The following TAOK3 variants were observed in gnomAD, a reference collection of about 807,000 sequenced individuals.
TAOK3 encodes the protein TAO kinase 3, also known as serine/threonine-protein kinase TAO3.
Under a neutral mutation model 120.4 loss-of-function variants are expected in TAOK3, and 40 were observed. The ratio of observed to expected loss-of-function variants is 0.33; its 90% confidence interval spans 0.26 to 0.43. The LOEUF (loss-of-function observed/expected upper bound fraction) is 0.43. TAOK3 is among the 20% of genes least tolerant of loss of function. The pLI, the probability that TAOK3 is intolerant of heterozygous loss-of-function variation, is 1.00. For synonymous variants in TAOK3, 355 were observed against 387.5 expected (o/e 0.92, Z 0.99); for missense variants, 821 against 1,112.1 (o/e 0.74, Z 3.72).
At chr12:118,292,003 C>T (rs567223236) in intron 1 of TAOK3, among the ~76,000 whole-genome samples, 21 of 152,018 alleles carry the variant, frequency 1.4e-4, no homozygotes, top group South Asian at 4.2e-4. Flanking sequence ...TTAGTGAAGA[C>T]GGGGTTTCAC....
intron 1 of TAOK3, among the ~76,000 whole-genome samples, chr12:118,270,086 T>C (rs1258475781): frequency 6.6e-6 from 1 of 152,240 alleles, no homozygotes; most frequent in African/African-American, 2.4e-5. Context: ...GCCCATTTAA[T>C]GATTTTAAGT....
At chr12:118,337,903 G>C (rs2141087162) in intron 1 of TAOK3, among the ~76,000 whole-genome samples, 1 of 152,220 alleles carries the variant, frequency 6.6e-6, no homozygotes, top group African/African-American at 2.4e-5. Context: ...GTAAAACTGA[G>C]GAAATCTGAA....
intron 1 of TAOK3, among the ~76,000 whole-genome samples, chr12:118,308,962 C>CTGTA (rs1345100105): frequency 1.4e-5 from 2 of 139,204 alleles, no homozygotes; most frequent in Non-Finnish European, 3.1e-5. Flanking sequence ...AAAAAAAAGC[C>CTGTA]TGTATGGTTG....
intron 1 of TAOK3, among the ~76,000 whole-genome samples, chr12:118,273,307 C>T (rs999600609): frequency 6.6e-6 from 1 of 151,344 alleles, no homozygotes; most frequent in African/African-American, 2.4e-5. Context: ...TCCAGACCAT[C>T]CTCGCTAACA....
intron 7 of TAOK3, chr12:118,236,828 TA>T (rs760092734): frequency 1.3e-5 from 2 of 152,170 alleles, no homozygotes; most frequent in African/African-American, 2.4e-5. Context: ...ACTTTTAAAT[TA>T]AAAAAACATT....
intron 1 of TAOK3, among the ~76,000 whole-genome samples, chr12:118,326,584 G>T (rs979253958): frequency 5.3e-5 from 8 of 152,046 alleles, no homozygotes; most frequent in African/African-American, 1.9e-4. Flanking sequence ...GCATTGTCAG[G>T]CACTTAGGAT....
At position 118,168,957 on chromosome 12, in the gene TAOK3, T is replaced by TTTCCTTCCTTCCTTCCTTCCTTCC. The variant is rs150570843; in HGVS notation, c.1899+3476_1899+3499dup. Among the ~76,000 whole-genome samples the TTTCCTTCCTTCCTTCCTTCCTTCC allele has an allele frequency of 1.2e-3, 184 of 147,778 alleles. 1 individual carries two copies. Among genetic ancestry groups the TTTCCTTCCTTCCTTCCTTCCTTCC allele is most frequent in the African/African-American group, 3.8e-3 (153 of 39,770 alleles). On this transcript the variant is annotated intron_variant, in intron 17 of 20. Transcript: ENST00000392533. ...TGCAGTACTGAATCAGCTTGCTTGC[T>TTTCCTTCCTTCCTTCCTTCCTTCC]TTCCTTCCTTCCTTCCTTCCTTCCT...
chr12:118,292,825 T>C lies in TAOK3; in HGVS notation c.-193-26066A>G, dbSNP rs533043811. Reference sequence around the variant, plus strand: ...GTCATCATTGGGAATTTCTGTTCAATGAAGAGGAGTGTACCAATTCAAGAC... The same window carrying C: ...GTCATCATTGGGAATTTCTGTTCAACGAAGAGGAGTGTACCAATTCAAGAC... On this transcript the variant is annotated intron_variant, in intron 1 of 20. Transcript: ENST00000392533. Among the ~76,000 whole-genome samples, 3 of 152,352 alleles carry C rather than the reference T, an allele frequency of 2.0e-5. No individual in the cohort carries two copies. In the South Asian group the frequency reaches 6.2e-4, roughly 32 times the overall value.
intron 1 of TAOK3, among the ~76,000 whole-genome samples, chr12:118,365,086 CAT>C (rs1205079565): frequency 1.2e-4 from 19 of 152,344 alleles, no homozygotes; most frequent in Middle Eastern, 3.4e-3. Context: ...AGGCAGCAGA[CAT>C]AGTAAAGGGG....
intron 1 of TAOK3, among the ~76,000 whole-genome samples, chr12:118,315,980 T>G (rs187972162): frequency 1.3e-5 from 2 of 152,164 alleles, no homozygotes; most frequent in African/African-American, 4.8e-5. Context: ...TGCTGGGATA[T>G]TTTTACAATG....
chr12:118,221,513 C>T (rs2039229517), intron 9 of TAOK3, among the ~76,000 whole-genome samples: 1 of 152,156 alleles, frequency 6.6e-6, no homozygotes. Flanking sequence ...GGATTATAGG[C>T]ATGAGCCACC....
intron 1 of TAOK3, among the ~76,000 whole-genome samples, chr12:118,312,588 T>C (rs796707961): frequency 5.9e-5 from 9 of 152,304 alleles, no homozygotes; most frequent in African/African-American, 2.2e-4. Context: ...AACCTACAAA[T>C]GTTTTATAAT....
At chr12:118,300,936 C>T (rs1043002123) in intron 1 of TAOK3, among the ~76,000 whole-genome samples, 32 of 151,978 alleles carry the variant, frequency 2.1e-4, no homozygotes, top group East Asian at 1.9e-4. Context: ...CCACCACGCC[C>T]GGCTAATTTT....
intron 10 of TAOK3, 121 bp downstream of exon 10, chr12:118,213,896 A>G (rs2038750304): frequency 1.2e-6 from 1 of 831,962 alleles, no homozygotes; most frequent in Non-Finnish European, 1.9e-6. Flanking sequence ...TGTCACTTGT[A>G]ACAACATACA....
At chr12:118,183,625 G>A (rs1349078078) in intron 14 of TAOK3, among the ~76,000 whole-genome samples, 1 of 151,898 alleles carries the variant, frequency 6.6e-6, no homozygotes, top group African/African-American at 2.4e-5. Flanking sequence ...ACTTCTTCAC[G>A]CTTATATGTT....
Position 118,189,835 on chromosome 12 carries a change from C to A in TAOK3, c.1301G>T (p.Arg434Leu), listed in dbSNP as rs1013247993. 2.5e-6 allele frequency: 4 copies of A among 1,614,160 alleles called. No individual in the cohort carries two copies. The highest frequency in any genetic ancestry group is 1.6e-4 in the Middle Eastern group (1 of 6,062). The change falls in exon 14 of 21, where the codon CGC becomes CTC. Residue 434 changes from arginine (R) to leucine (L), a missense_variant. Coordinates refer to ENST00000392533, the MANE Select transcript of TAOK3 (RefSeq NM_016281.4). The stretch of plus-strand genomic sequence containing the variant: ...AGATGCTGATTTGATCGTGGCAAAG[C>A]GCTCTCTGTTCCGGTAGTGGAGGGC... ...SQALHYRNRE[R>L]FATIKSASLV...
intron 9 of TAOK3, among the ~76,000 whole-genome samples, chr12:118,230,712 G>A (rs1053164894): frequency 1.4e-4 from 21 of 151,846 alleles, no homozygotes; most frequent in Non-Finnish European, 2.5e-4. Context: ...CTCGTGATCC[G>A]CCCGCCTCGG....
intron 1 of TAOK3, among the ~76,000 whole-genome samples, chr12:118,305,589 T>G (rs377752145): frequency 6.6e-6 from 1 of 152,212 alleles, no homozygotes; most frequent in African/African-American, 2.4e-5. Flanking sequence ...TAACTGTTAA[T>G]TTTTTACTAT....
intron 20 of TAOK3, 145 bp from the exon 21 acceptor site, chr12:118,151,303 A>G (rs1394822378): frequency 1.4e-5 from 7 of 505,778 alleles, no homozygotes; most frequent in South Asian, 2.6e-5. Flanking sequence ...ACACACACAC[A>G]CACACACACA....
Sources: gnomAD v4.1 joint callset for allele counts (sites outside exome capture counted in the v4.1 genomes callset) on GRCh38, gnomAD v4.1.1 for gene constraint, MANE v1.5 for transcripts, NCBI Gene and HGNC (gene_info 2026-07-23, HGNC 2026-07-21) for gene names.